Variants in AACS observed in about 807,000 individuals in gnomAD.
AACS encodes the protein acetoacetate-CoA ligase.
In AACS, 69 loss-of-function variants were observed where a neutral mutation model predicts 83.1. The ratio of observed to expected loss-of-function variants is 0.83; its 90% confidence interval spans 0.68 to 1.01. The LOEUF (loss-of-function observed/expected upper bound fraction) is 1.01, where lower values mean the gene tolerates loss of function less well. AACS is among the 50% of genes least tolerant of loss of function. AACS has a pLI of 0.00. For synonymous variants in AACS, 333 were observed against 343.4 expected (o/e 0.97, Z 0.33); for missense variants, 866 against 882.2 (o/e 0.98, Z 0.23).
intron 3 of AACS, among the ~76,000 whole-genome samples, chr12:125,081,144 C>T (rs2136054083): frequency 6.6e-6 from 1 of 152,150 alleles, no homozygotes; most frequent in Middle Eastern, 3.4e-3. Flanking sequence ...ACGCGTGCGC[C>T]ACCACACTGG....
chr12:125,065,441 T>G lies in AACS; in HGVS notation c.-144T>G. ...GAGGCGGCGGCGGCCGTTCAGTCCC[T>G]TGTTCCCCGCCGCCGCCGTCGCTGA... On this transcript the variant is annotated 5_prime_UTR_variant, in exon 1 of 18. Coordinates refer to ENST00000316519, the MANE Select transcript of AACS (RefSeq NM_023928.5). 1 of 888,444 alleles carries G rather than the reference T, an allele frequency of 1.1e-6. No individual in the cohort carries two copies. Among genetic ancestry groups the G allele is most frequent in the Non-Finnish European group, 1.5e-6 (1 of 648,534 alleles). 55.0% of individuals were successfully genotyped at this position (888,444 alleles called of 1,614,324 possible). A position where few individuals can be genotyped will look rare whatever the true frequency, so the allele number is the denominator to read the frequency against.
chr12:125,072,905 A>G (rs73231636), intron 1 of AACS, among the ~76,000 whole-genome samples: 1,878 of 143,174 alleles, frequency 0.013, 26 homozygotes, highest in South Asian at 0.03. Context: ...GAGACCTTTT[A>G]CCATGTAACT....
intron 7 of AACS, 41 bp from the exon 8 acceptor site, chr12:125,107,080 T>G: frequency 6.2e-7 from 1 of 1,613,238 alleles, no homozygotes; most frequent in East Asian, 2.2e-5. Flanking sequence ...TCCAGCATTC[T>G]GGGACGTTCA....
At chr12:125,134,566 T>G (rs1391607188) in intron 15 of AACS, among the ~76,000 whole-genome samples, 1 of 152,098 alleles carries the variant, frequency 6.6e-6, no homozygotes. Context: ...CGTGTGCAGG[T>G]GGGAAGGCAG....
intron 7 of AACS, among the ~76,000 whole-genome samples, chr12:125,103,667 G>A (rs1214811146): frequency 2.0e-5 from 3 of 152,184 alleles, no homozygotes; most frequent in Admixed American, 2.0e-4. Context: ...TAAGCCACAT[G>A]TTTTGTGTAC....
intron 10 of AACS, chr12:125,122,081 A>G (rs1239821023): frequency 6.6e-6 from 1 of 152,402 alleles, no homozygotes; most frequent in African/African-American, 2.4e-5. Context: ...AAGGTTCAGG[A>G]ACTACTTTTG....
intron 6 of AACS, 88 bp from the exon 7 acceptor site, chr12:125,102,912 A>G: frequency 3.5e-6 from 5 of 1,447,290 alleles, no homozygotes; most frequent in Non-Finnish European, 4.8e-6. Context: ...TCTCTGCCCC[A>G]GATTGTGTTA....
At chr12:125,078,415 G>A (rs1411148182) in intron 3 of AACS, 1 of 442,438 alleles carries the variant, frequency 2.3e-6, no homozygotes, top group Non-Finnish European at 4.6e-6. Context: ...GCCTTGACAT[G>A]GTCATGGCAG....
Position 125,100,502 on chromosome 12 carries a change from C to T in AACS, c.571-2177C>T, listed in dbSNP as rs776541615. Among the ~76,000 whole-genome samples, 10 of 152,232 alleles carry T rather than the reference C, an allele frequency of 6.6e-5. No individual in the cohort carries two copies. The South Asian group carries it at 1.4e-3, about 22-fold the overall frequency. ...ACCCTGTCTGTCTGGTTCCCTGGCA[C>T]GGTGCCTGGCACCTAGCACATGGAA... On this transcript the variant is annotated intron_variant, in intron 5 of 17. Transcript: ENST00000316519.
At chr12:125,101,197 T>A (rs971438395) in intron 5 of AACS, 3 of 152,178 alleles carry the variant, frequency 2.0e-5, no homozygotes, top group African/African-American at 4.8e-5. Flanking sequence ...TGAGAGTGCT[T>A]TAATCTGTTA....
chr12:125,107,411 G>A lies in AACS; in HGVS notation c.915+143G>A, dbSNP rs1045479820. On this transcript the variant is annotated intron_variant, in intron 8 of 17. Transcript: ENST00000316519. ...CAACGTGCAGCTTCTCTCCAAGTGG[G>A]GTGCTGCACGGAGATCCGGCACTGG... is the stretch of plus-strand genomic sequence containing the variant. 14 of 1,165,012 alleles carry A rather than the reference G, an allele frequency of 1.2e-5. No individual in the cohort carries two copies. In the East Asian group the frequency reaches 3.3e-4, roughly 28 times the overall value. The allele number at this position is 1,165,012 out of a possible 1,614,324, so 72.2% of individuals were successfully genotyped here.
chr12:125,142,299 T>C lies in AACS; in HGVS notation c.*70T>C. 6.4e-7 allele frequency: 1 copy of C among 1,573,236 alleles called. No homozygotes were observed. Among genetic ancestry groups the C allele is most frequent in the South Asian group, 1.1e-5 (1 of 87,760 alleles). On this transcript the variant is annotated 3_prime_UTR_variant, in exon 18 of 18. Coordinates refer to ENST00000316519, the MANE Select transcript of AACS (RefSeq NM_023928.5). ...TAACTTTTGTGTGCTCAAGAAATTA[T>C]ACAGAAACCTACAGCTGTTGTAAAA... is the stretch of plus-strand genomic sequence containing the variant.
chr12:125,076,022 C>G (rs1337939625), intron 2 of AACS, among the ~76,000 whole-genome samples: 1 of 152,162 alleles, frequency 6.6e-6, no homozygotes, highest in Admixed American at 6.6e-5. Flanking sequence ...TTGGGGCAAA[C>G]CATTTTGAAA....
At chr12:125,134,709 G>C (rs1186846105) in intron 15 of AACS, 85 bp from the exon 16 acceptor site, 3 of 1,476,944 alleles carry the variant, frequency 2.0e-6, no homozygotes, top group South Asian at 1.1e-5. Flanking sequence ...TGGGAAAGTG[G>C]GGGGTGACTG....
intron 1 of AACS, among the ~76,000 whole-genome samples, chr12:125,066,343 CCTT>C (rs980102004): frequency 6.6e-6 from 1 of 151,932 alleles, no homozygotes; most frequent in African/African-American, 2.4e-5. Context: ...GGCAAAGGCT[CCTT>C]CTCCGTGGGG....
rs777709148 is a variant in AACS at position 125,091,464 on chromosome 12, C to T, written c.511C>T (p.Leu171=). The T allele has an allele frequency of 6.2e-7, 1 of 1,614,240 alleles. No homozygotes were observed. The highest frequency in any genetic ancestry group is 1.1e-5 in the South Asian group (1 of 91,084). The part of the protein sequence containing the change: ...PNSEHAVEAM[L]AAASIGAIWS... ...CAGTGAGCACGCTGTCGAGGCGATG[C>T]TGGCTGCGGCAAGCATTGGTGCCAT... is the stretch of plus-strand genomic sequence containing the variant. The change falls in exon 5 of 18, where the codon CTG becomes TTG. Residue 171 remains leucine (L), a synonymous_variant. Coordinates refer to ENST00000316519, the MANE Select transcript of AACS (RefSeq NM_023928.5).
At chr12:125,128,297 C>A (rs765253304) in intron 13 of AACS, 23 bp downstream of exon 13, 5 of 1,597,612 alleles carry the variant, frequency 3.1e-6, no homozygotes, top group South Asian at 2.2e-5. Context: ...CCAACTGTTT[C>A]TTTCTGTGAT....
At chr12:125,105,617 C>T (rs1956817847) in intron 7 of AACS, 1 of 152,212 alleles carries the variant, frequency 6.6e-6, no homozygotes, top group South Asian at 2.1e-4. Flanking sequence ...CCAGCAGAAT[C>T]ATGTTAGCCA....
chr12:125,114,957 G>A (rs1409754747), intron 9 of AACS, among the ~76,000 whole-genome samples: 1 of 151,946 alleles, frequency 6.6e-6, no homozygotes, highest in Non-Finnish European at 1.5e-5. Flanking sequence ...CCTGTGCTGC[G>A]CCGTGGTAGG....
Sources: allele counts gnomAD v4.1 joint callset (sites outside exome capture counted in the v4.1 genomes callset), GRCh38; gene constraint gnomAD v4.1.1; transcripts MANE v1.5; gene names NCBI Gene and HGNC (gene_info 2026-07-23, HGNC 2026-07-21).